The following MCTP2 variants were observed in gnomAD, a reference collection of about 807,000 sequenced individuals.
MCTP2 encodes multiple C2 and transmembrane domain containing 2.
A neutral mutation model predicts 111.6 loss-of-function variants in MCTP2; 132 were observed. That is an observed-to-expected ratio of 1.18 (90% CI 1.03 to 1.37). The LOEUF is 1.37. MCTP2 is among the 40% of genes most tolerant of loss of function. MCTP2 has a pLI of 0.00. For synonymous variants in MCTP2, 395 were observed against 387.7 expected, an observed-to-expected ratio of 1.02 and a Z score of -0.22; for missense variants, 1,183 against 1,067.9, an observed-to-expected ratio of 1.11 and a Z score of -1.50.
At chr15:94,269,018 T>C (rs1485612778) in intron 1 of MCTP2, among the ~76,000 whole-genome samples, 2 of 152,214 alleles carry the variant, frequency 1.3e-5, no homozygotes, top group Non-Finnish European at 2.9e-5. Context: ...AGTGTCTTCT[T>C]CACTTAGCAT....
intron 1 of MCTP2, among the ~76,000 whole-genome samples, chr15:94,243,164 TAC>T (rs2071182699): frequency 6.7e-6 from 1 of 148,202 alleles, no homozygotes; most frequent in East Asian, 2.1e-4. Context: ...TGTGTGTATA[TAC>T]ATACGTACGT....
At chr15:94,435,567 C>T (rs2083422740) in intron 17 of MCTP2, among the ~76,000 whole-genome samples, 1 of 150,272 alleles carries the variant, frequency 6.7e-6, no homozygotes, top group South Asian at 2.1e-4. Context: ...TTGTAGATTC[C>T]TTAGGATTTT....
At chr15:94,396,885 T>C (rs1219854589) in intron 14 of MCTP2, among the ~76,000 whole-genome samples, 1 of 152,188 alleles carries the variant, frequency 6.6e-6, no homozygotes, top group Non-Finnish European at 1.5e-5. Context: ...TACCAAGTCA[T>C]ATTGATAGAT....
At chr15:94,258,372 A>C (rs527986980) in intron 1 of MCTP2, among the ~76,000 whole-genome samples, 1 of 152,254 alleles carries the variant, frequency 6.6e-6, no homozygotes, top group South Asian at 2.1e-4. Context: ...AGGACATGCA[A>C]ATCTTTTTAT....
At chr15:94,377,770 A>G (rs1467358244) in intron 12 of MCTP2, among the ~76,000 whole-genome samples, 1 of 152,092 alleles carries the variant, frequency 6.6e-6, no homozygotes, top group African/African-American at 2.4e-5. Flanking sequence ...GTTAATTCTT[A>G]TGGAAGGGAT....
chr15:94,265,404 T>G (rs942299449), intron 1 of MCTP2, among the ~76,000 whole-genome samples: 7 of 152,206 alleles, frequency 4.6e-5, no homozygotes, highest in African/African-American at 1.7e-4. Context: ...GGCTGGGACC[T>G]TAAAGCCAAG....
In MCTP2 at chr15:94,464,246, A is replaced by ATATAT. The variant is rs1555481358; in HGVS notation, c.2360+6001_2360+6005dup. ...TTATATGTTTATATATATAATATAT[A>ATATAT]TATATATATATTATATATATATATA... is the stretch of plus-strand genomic sequence containing the variant. On this transcript the variant is annotated intron_variant, in intron 20 of 22. Coordinates refer to ENST00000357742, the MANE Select transcript of MCTP2 (RefSeq NM_001385001.1). 4.8e-4 allele frequency among the ~76,000 whole-genome samples: 29 copies of ATATAT among 60,378 alleles called. 2 individuals carry two copies. In the East Asian group the frequency reaches 9.9e-3, roughly 21 times the overall value. The allele number at this position is 60,378 out of a possible 152,430, so 39.6% of individuals were successfully genotyped here.
chr15:94,464,269 A>ATTATATATATATATTATATATATATAT (rs1312078954), intron 20 of MCTP2, among the ~76,000 whole-genome samples: 1 of 61,502 alleles, frequency 1.6e-5, no homozygotes, highest in Non-Finnish European at 3.7e-5. Flanking sequence ...ATATATATAT[A>ATTATATATATATATTATATATATATAT]TATATATATA....
Position 94,481,411 on chromosome 15 carries a change from A to G in MCTP2, c.*2377A>G, listed in dbSNP as rs956062560. ...CTCGTGCTGTTGTCCTCGTCTCCCAACCCCTAAAGCCTAGTAGGTCCAGTG... is the reference window on the plus strand; with the variant it reads ...CTCGTGCTGTTGTCCTCGTCTCCCAGCCCCTAAAGCCTAGTAGGTCCAGTG... On this transcript the variant is annotated 3_prime_UTR_variant, in exon 23 of 23. Coordinates refer to ENST00000357742, the MANE Select transcript of MCTP2 (RefSeq NM_001385001.1). The G allele has an allele frequency of 2.0e-5, 3 of 151,864 alleles. No homozygotes were observed. The highest frequency in any genetic ancestry group is 7.3e-5 in the African/African-American group (3 of 41,286). The allele number at this position is 151,864 out of a possible 1,614,324, so 9.4% of individuals were successfully genotyped here.
intron 13 of MCTP2, among the ~76,000 whole-genome samples, chr15:94,384,787 C>G (rs2080359627): frequency 6.6e-6 from 1 of 152,124 alleles, no homozygotes; most frequent in African/African-American, 2.4e-5. Context: ...ATGCTATTAG[C>G]AGAAAGTTCC....
At chr15:94,401,783 C>T (rs1405925938) in intron 16 of MCTP2, 117 bp from the exon 17 acceptor site, 4 of 660,258 alleles carry the variant, frequency 6.1e-6, no homozygotes, top group Non-Finnish European at 2.4e-6. Flanking sequence ...CTATTATTAT[C>T]ATATTTTAAA....
intron 2 of MCTP2, among the ~76,000 whole-genome samples, chr15:94,304,556 C>G (rs1347443369): frequency 6.6e-6 from 1 of 152,208 alleles, no homozygotes; most frequent in Non-Finnish European, 1.5e-5. Flanking sequence ...ACTTCATTAA[C>G]CTGTTAGGAG....
At chr15:94,440,127 C>T (rs532630765) in intron 17 of MCTP2, 49 bp from the exon 18 acceptor site, 2 of 1,602,378 alleles carry the variant, frequency 1.2e-6, no homozygotes, top group Admixed American at 1.7e-5. Context: ...TGATTGCTCC[C>T]CTAGTGTTTT....
chr15:94,428,116 G>T (rs1443795986), intron 17 of MCTP2, among the ~76,000 whole-genome samples: 1 of 151,924 alleles, frequency 6.6e-6, no homozygotes, highest in Non-Finnish European at 1.5e-5. Context: ...ATACATTTTT[G>T]CATTTTGCCT....
At chr15:94,309,342 G>A (rs1407793290) in intron 2 of MCTP2, among the ~76,000 whole-genome samples, 1 of 152,142 alleles carries the variant, frequency 6.6e-6, no homozygotes, top group Non-Finnish European at 1.5e-5. Flanking sequence ...GATTAAATAT[G>A]CAGTATGTAT....
At chr15:94,438,179 T>C (rs537463808) in intron 17 of MCTP2, among the ~76,000 whole-genome samples, 10 of 152,284 alleles carry the variant, frequency 6.6e-5, no homozygotes, top group African/African-American at 2.4e-4. Context: ...GTCGTCAAAT[T>C]GCAGAGCATT....
intron 1 of MCTP2, among the ~76,000 whole-genome samples, chr15:94,283,016 G>A (rs1316629323): frequency 1.3e-5 from 2 of 152,118 alleles, no homozygotes; most frequent in Non-Finnish European, 2.9e-5. Context: ...ATATGTGTGT[G>A]CACTGGTGAG....
chr15:94,242,834 G>A (rs567082821), intron 1 of MCTP2, among the ~76,000 whole-genome samples: 37 of 150,894 alleles, frequency 2.5e-4, no homozygotes, highest in African/African-American at 5.8e-4. Context: ...GGTAGTTACC[G>A]TATGATTTGA....
intron 21 of MCTP2, among the ~76,000 whole-genome samples, chr15:94,475,609 C>T (rs2074286762): frequency 6.6e-6 from 1 of 152,154 alleles, no homozygotes; most frequent in Non-Finnish European, 1.5e-5. Context: ...ACTGACAGCC[C>T]TTCAGATATG....
Sources: allele counts gnomAD v4.1 joint callset (sites outside exome capture counted in the v4.1 genomes callset), GRCh38; gene constraint gnomAD v4.1.1; transcripts MANE v1.5; gene names NCBI Gene and HGNC (gene_info 2026-07-23, HGNC 2026-07-21).